The following STK32C variants were observed in gnomAD, a reference collection of about 807,000 sequenced individuals.
STK32C encodes serine/threonine kinase 32C, also known as serine/threonine-protein kinase 32C.
Under a neutral mutation model 56.5 loss-of-function variants are expected in STK32C, and 31 were observed. The observed-to-expected ratio is 0.55, with a 90% CI of 0.41 to 0.74. STK32C has a LOEUF of 0.74. Among genes scored for constraint, STK32C ranks in the 30% least tolerant of loss-of-function variants. The pLI, the probability that STK32C is intolerant of heterozygous loss-of-function variation, is 0.00. For synonymous variants in STK32C, 309 were observed against 289.4 expected, an observed-to-expected ratio of 1.07 and a Z score of -0.69; for missense variants, 544 against 676.9, an observed-to-expected ratio of 0.80 and a Z score of 2.18.
intron 1 of STK32C, among the ~76,000 whole-genome samples, chr10:132,327,052 A>G (rs1324770859): frequency 6.6e-6 from 1 of 152,208 alleles, no homozygotes; most frequent in Non-Finnish European, 1.5e-5. Flanking sequence ...ATGGTATTGC[A>G]AGTTCAAGCT....
At chr10:132,319,995 A>G (rs1426793194), downstream of STK32C, among the ~76,000 whole-genome samples, 2 of 151,872 alleles carry the variant, frequency 1.3e-5, no homozygotes, top group Non-Finnish European at 2.9e-5. Context: ...TCAAGCAACA[A>G]TGAGAAAAAG....
chr10:132,235,720 G>A (rs1046917563), intron 2 of STK32C, among the ~76,000 whole-genome samples: 5 of 151,928 alleles, frequency 3.3e-5, no homozygotes, highest in Admixed American at 2.6e-4. Context: ...CAGAGTGACC[G>A]GCGGTCACGG....
intron 1 of STK32C, among the ~76,000 whole-genome samples, chr10:132,298,746 A>C (rs1212908547): frequency 6.6e-6 from 1 of 152,008 alleles, no homozygotes; most frequent in East Asian, 1.9e-4. Flanking sequence ...TGTGTGGGGA[A>C]GCTCCCTTTG....
intron 1 of STK32C, among the ~76,000 whole-genome samples, chr10:132,278,488 G>A (rs144332890): frequency 0.019 from 2,919 of 152,232 alleles, 51 homozygotes; most frequent in Non-Finnish European, 0.032. Flanking sequence ...CCGGCCGGGC[G>A]CGGTGGCTCA....
chr10:132,267,990 T>C (rs1318382592), intron 1 of STK32C, among the ~76,000 whole-genome samples: 1 of 149,276 alleles, frequency 6.7e-6, no homozygotes, highest in Non-Finnish European at 1.5e-5. Context: ...ATCGTGTGTG[T>C]GTGTGTGTGT....
chr10:132,307,447 G>T lies in STK32C; in HGVS notation c.262+125C>A. 1 of 1,141,786 alleles carries T rather than the reference G, an allele frequency of 8.8e-7. No homozygotes were observed. Among genetic ancestry groups the T allele is most frequent in the Non-Finnish European group, 1.1e-6 (1 of 872,960 alleles). The allele number at this position is 1,141,786 out of a possible 1,614,324, so 70.7% of individuals were successfully genotyped here. A position where few individuals can be genotyped will look rare whatever the true frequency, so the allele number is the denominator to read the frequency against. On this transcript the variant is annotated intron_variant, in intron 1 of 11. Coordinates refer to ENST00000298630, the MANE Select transcript of STK32C (RefSeq NM_173575.4). This position sits in a 1 kb window ranked among gnomAD's most constrained non-coding sequence, Gnocchi z 4.4. ...CAGCCACCCGGCGCGAGCTTCTCCGGAAGCCGGGGCGCCCCGGGAAGCCGT... is the reference window on the plus strand; with the variant it reads ...CAGCCACCCGGCGCGAGCTTCTCCGTAAGCCGGGGCGCCCCGGGAAGCCGT...
chr10:132,284,288 T>C (rs558473451), intron 1 of STK32C, among the ~76,000 whole-genome samples: 1 of 110,096 alleles, frequency 9.1e-6, no homozygotes, highest in Admixed American at 9.5e-5. Flanking sequence ...GCAGGTGAGG[T>C]TGGGGGGGGC....
intron 1 of STK32C, among the ~76,000 whole-genome samples, chr10:132,300,402 TG>T (rs1392332077): frequency 6.6e-6 from 1 of 151,942 alleles, no homozygotes; most frequent in Non-Finnish European, 1.5e-5. Flanking sequence ...GGTGGAGAAG[TG>T]GGGTGAGAGG....
At chr10:132,264,444 G>A (rs2064424109) in intron 1 of STK32C, among the ~76,000 whole-genome samples, 2 of 152,022 alleles carry the variant, frequency 1.3e-5, no homozygotes, top group African/African-American at 4.8e-5. Context: ...GGGACGCACA[G>A]GGAGCTGGGG....
chr10:132,242,279 G>A (rs1364195807), intron 2 of STK32C, among the ~76,000 whole-genome samples: 4 of 152,074 alleles, frequency 2.6e-5, no homozygotes, highest in African/African-American at 9.7e-5. Flanking sequence ...GGAGGAGGGC[G>A]GCTGAAGGCA....
chr10:132,301,691 C>G (rs2065915516), intron 1 of STK32C, among the ~76,000 whole-genome samples: 1 of 152,246 alleles, frequency 6.6e-6, no homozygotes, highest in Admixed American at 6.5e-5. Context: ...GGTGAAAATG[C>G]AAGATGTGAA....
chr10:132,312,677 TA>T (rs1365715702), upstream of STK32C, among the ~76,000 whole-genome samples: 1 of 152,138 alleles, frequency 6.6e-6, no homozygotes, highest in East Asian at 1.9e-4. Context: ...AAACTAAAAT[TA>T]AAACCATAAG....
intron 10 of STK32C, chr10:132,209,513 G>T: frequency 2.8e-6 from 1 of 352,510 alleles, no homozygotes; most frequent in Non-Finnish European, 5.6e-6. Flanking sequence ...GCCCTGCCCA[G>T]AGAATCCTGG....
At chr10:132,331,750 T>C (rs764597895) in exon 1 of STK32C, 4 of 1,611,246 alleles carry the variant, frequency 2.5e-6, no homozygotes, top group African/African-American at 2.7e-5. Context: ...GCTCTCTTCC[T>C]TCCCCTCTGT....
intron 1 of STK32C, among the ~76,000 whole-genome samples, chr10:132,306,359 C>T (rs2066060163): frequency 6.6e-6 from 1 of 152,258 alleles, no homozygotes; most frequent in African/African-American, 2.4e-5. Context: ...AAAACAAAAA[C>T]ATTTCTCAAA....
rs1022206567 is a variant in STK32C at position 132,209,190 on chromosome 10, G to A, written c.1252-89C>T. ...AAGTGAGTGTCTGGGCATCCCCATC[G>A]GGCCTCCACCTGTGGCTTTGGATGA... On this transcript the variant is annotated intron_variant, in intron 10 of 11. Coordinates refer to ENST00000298630, the MANE Select transcript of STK32C (RefSeq NM_173575.4). 6.4e-5 allele frequency: 80 copies of A among 1,252,292 alleles called. No individual in the cohort carries two copies. The African/African-American group carries it at 8.5e-4, about 13-fold the overall frequency. 77.6% of individuals were successfully genotyped at this position (1,252,292 alleles called of 1,614,324 possible).
chr10:132,273,558 G>C (rs577992168), intron 1 of STK32C, among the ~76,000 whole-genome samples: 1 of 150,548 alleles, frequency 6.6e-6, no homozygotes, highest in African/African-American at 2.5e-5. Flanking sequence ...ATGAATGAGC[G>C]AATGAACACA....
rs1161626985 is a variant in STK32C, at chr10:132,255,442, G to T, written c.263-9487C>A. ...ACCCCTCACCCTCTTGCCATGGCCT[G>T]CGGGAACAAAGACCCACCACGCTGA... is the stretch of plus-strand genomic sequence containing the variant. On this transcript the variant is annotated intron_variant, in intron 1 of 11. Coordinates refer to ENST00000298630, the MANE Select transcript of STK32C (RefSeq NM_173575.4). The surrounding 1 kb of genome is among the most constrained non-coding windows in gnomAD (Gnocchi z 4.6). Among the ~76,000 whole-genome samples, 1 of 152,154 alleles carries T rather than the reference G, an allele frequency of 6.6e-6. No individual in the cohort carries two copies. The highest frequency in any genetic ancestry group is 1.5e-5 in the Non-Finnish European group (1 of 68,026).
intron 1 of STK32C, among the ~76,000 whole-genome samples, chr10:132,258,573 G>A (rs574952092): frequency 1.5e-4 from 23 of 152,364 alleles, no homozygotes; most frequent in Admixed American, 9.1e-4. Flanking sequence ...CTGGGCCAGC[G>A]CGCAGGCCTT....
Sources: gnomAD v4.1 joint callset for allele counts (sites outside exome capture counted in the v4.1 genomes callset) on GRCh38, gnomAD v4.1.1 for gene constraint, Gnocchi (gnomAD v3.1) non-coding constraint, MANE v1.5 for transcripts, NCBI Gene and HGNC (gene_info 2026-07-23, HGNC 2026-07-21) for gene names.